The following SPRED1 variants were observed in gnomAD, a reference collection of about 807,000 sequenced individuals.
SPRED1 encodes the protein sprouty-related, EVH1 domain-containing protein 1.
A neutral mutation model predicts 52.3 loss-of-function variants in SPRED1; 18 were observed. That is an observed-to-expected ratio of 0.34 (90% confidence interval 0.24 to 0.51). The LOEUF (loss-of-function observed/expected upper bound fraction) is 0.51. Ranked by LOEUF, SPRED1 falls within the 20% of genes least tolerant of loss-of-function variation. SPRED1 has a pLI of 0.97. For missense variants in SPRED1, 485 were observed against 551.0 expected, an observed-to-expected ratio of 0.88 and a Z score of 1.20; for synonymous variants, 155 against 179.7, an observed-to-expected ratio of 0.86 and a Z score of 1.10.
In SPRED1 at chr15:38,351,350, AG is replaced by A; in HGVS notation, c.1023del (p.Arg341SerfsTer65). 6.2e-7 allele frequency: 1 copy of A among 1,614,184 alleles called. No individual in the cohort carries two copies. The highest frequency in any genetic ancestry group is 8.5e-7 in the Non-Finnish European group (1 of 1,180,024). ...ERSRCVYCQERFNHEENVRGK... is the reference protein window; with the variant it reads ...ERSRCVYCQEXFNHEENVRGK... Reference sequence around the variant, plus strand: ...TTCTCGCTGCGTATACTGCCAGGAAAGGTTTAATCATGAAGAAAATGTTAGG... The same window carrying A: ...TTCTCGCTGCGTATACTGCCAGGAAAGTTTAATCATGAAGAAAATGTTAGG... On this transcript the variant is annotated frameshift_variant, in exon 7 of 7. Transcript: ENST00000299084. LOFTEE classifies it high-confidence loss of function.
At chr15:38,309,119 G>A (rs538702738) in intron 2 of SPRED1, among the ~76,000 whole-genome samples, 32 of 152,158 alleles carry the variant, frequency 2.1e-4, no homozygotes, top group Non-Finnish European at 2.9e-4. Context: ...CTTCTTTGGC[G>A]AATGTCAGTC....
At chr15:38,318,061 C>A (rs1328237705) in intron 2 of SPRED1, among the ~76,000 whole-genome samples, 1 of 151,948 alleles carries the variant, frequency 6.6e-6, no homozygotes, top group African/African-American at 2.4e-5. Flanking sequence ...ATAGACTGTT[C>A]TAGGAGGCAT....
At chr15:38,317,554 A>G (rs140183225) in intron 2 of SPRED1, among the ~76,000 whole-genome samples, 14 of 152,118 alleles carry the variant, frequency 9.2e-5, no homozygotes, top group African/African-American at 3.4e-4. Context: ...TGCTTCCTGT[A>G]TGATTGTTGT....
chr15:38,329,853 T>C (rs2382079), intron 4 of SPRED1, among the ~76,000 whole-genome samples: 139,117 of 152,090 alleles, frequency 0.91, 64,904 homozygotes, highest in East Asian at 1. Context: ...ATGCAGTTAG[T>C]TTAAAATCTC....
intron 4 of SPRED1, among the ~76,000 whole-genome samples, chr15:38,332,428 C>T (rs1338015668): frequency 6.6e-6 from 1 of 151,932 alleles, no homozygotes; most frequent in African/African-American, 2.4e-5. Context: ...AAAAAATTAG[C>T]CAGGCATGAT....
intron 2 of SPRED1, among the ~76,000 whole-genome samples, chr15:38,310,781 A>T (rs1002410922): frequency 6.6e-6 from 1 of 152,220 alleles, no homozygotes; most frequent in Admixed American, 6.5e-5. Context: ...TGTCCATTGT[A>T]TATAGACATG....
At chr15:38,316,874 A>G (rs1483154871) in intron 2 of SPRED1, among the ~76,000 whole-genome samples, 5 of 150,930 alleles carry the variant, frequency 3.3e-5, no homozygotes, top group Admixed American at 6.7e-5. Flanking sequence ...TTTGTCAACC[A>G]GCCACATTTT....
intron 4 of SPRED1, among the ~76,000 whole-genome samples, chr15:38,329,685 C>T (rs544168105): frequency 4.6e-5 from 7 of 152,114 alleles, no homozygotes; most frequent in African/African-American, 1.4e-4. Context: ...GTGCATATTT[C>T]GAAAATTACA....
intron 2 of SPRED1, among the ~76,000 whole-genome samples, chr15:38,314,630 A>G (rs1413204705): frequency 6.6e-6 from 1 of 151,844 alleles, no homozygotes; most frequent in Non-Finnish European, 1.5e-5. Context: ...GTGTGGGTTT[A>G]TTGGAGTATG....
chr15:38,274,226 C>T (rs1195709166), intron 1 of SPRED1, among the ~76,000 whole-genome samples: 6 of 152,076 alleles, frequency 3.9e-5, no homozygotes, highest in Non-Finnish European at 7.4e-5. Flanking sequence ...CCTTGGATAC[C>T]CTTGGTTTAG....
At chr15:38,310,153 G>GTGTGTGTGTGTGTGTGTGTGTGTT (rs373463622) in intron 2 of SPRED1, among the ~76,000 whole-genome samples, 1,437 of 132,200 alleles carry the variant, frequency 0.011, 52 homozygotes, top group South Asian at 0.039. Flanking sequence ...GTGTGTGTGT[G>GTGTGTGTGTGTGTGTGTGTGTGTT]TTTGGAGACG....
At chr15:38,309,730 C>T (rs566781080) in intron 2 of SPRED1, among the ~76,000 whole-genome samples, 2 of 152,098 alleles carry the variant, frequency 1.3e-5, no homozygotes, top group East Asian at 3.9e-4. Flanking sequence ...AATAGTTTCA[C>T]CTTTTACATT....
intron 2 of SPRED1, among the ~76,000 whole-genome samples, chr15:38,318,109 G>A (rs1384808319): frequency 6.6e-6 from 1 of 152,014 alleles, no homozygotes; most frequent in African/African-American, 2.4e-5. Context: ...GGGTGATTGT[G>A]CCAATAGATT....
intron 2 of SPRED1, among the ~76,000 whole-genome samples, chr15:38,301,894 A>G (rs962557528): frequency 4.0e-5 from 6 of 149,988 alleles, no homozygotes; most frequent in Non-Finnish European, 7.4e-5. Context: ...TTAAAGAAGT[A>G]TTATGTTTAC....
At chr15:38,323,609 GA>G (rs1035526779) in intron 3 of SPRED1, among the ~76,000 whole-genome samples, 4 of 105,710 alleles carry the variant, frequency 3.8e-5, no homozygotes, top group Admixed American at 1.1e-4. Flanking sequence ...TGAATTTGAA[GA>G]AAAAAAAATA....
intron 2 of SPRED1, among the ~76,000 whole-genome samples, chr15:38,315,651 T>C (rs1482032852): frequency 6.6e-6 from 1 of 151,940 alleles, no homozygotes; most frequent in African/African-American, 2.4e-5. Context: ...ATTGAAGCAT[T>C]TTTACAGCCT....
At chr15:38,324,105 C>T (rs1239808152) in intron 3 of SPRED1, among the ~76,000 whole-genome samples, 1 of 152,170 alleles carries the variant, frequency 6.6e-6, no homozygotes, top group Admixed American at 6.5e-5. Flanking sequence ...GCTGCTCTTT[C>T]CAAAGGGCGC....
intron 1 of SPRED1, chr15:38,283,627 A>G (rs1332852211): frequency 7.8e-6 from 4 of 513,136 alleles, no homozygotes; most frequent in South Asian, 8.4e-5. Flanking sequence ...TCTTATTTTT[A>G]TATAAGTGAA....
intron 1 of SPRED1, among the ~76,000 whole-genome samples, chr15:38,267,502 C>T (rs954441060): frequency 1.3e-5 from 2 of 151,924 alleles, no homozygotes; most frequent in African/African-American, 2.4e-5. Flanking sequence ...TTTTTTCTAT[C>T]GTGGATTATT....
Sources: gnomAD v4.1 joint callset for allele counts (sites outside exome capture counted in the v4.1 genomes callset) on GRCh38, gnomAD v4.1.1 for gene constraint, MANE v1.5 for transcripts, NCBI Gene and HGNC (gene_info 2026-07-23, HGNC 2026-07-21) for gene names.